PRPF4: variants seen among roughly 807,000 people sequenced by gnomAD.
PRPF4 encodes the protein pre-mRNA splicing tri-snRNP complex factor PRPF4.
PRPF4 carries 14 observed loss-of-function variants against 72.2 expected under a neutral mutation model. That is an observed-to-expected ratio of 0.19 (90% CI 0.13 to 0.30). The LOEUF (loss-of-function observed/expected upper bound fraction) is 0.30. PRPF4 is among the 10% of genes least tolerant of loss of function. The pLI is 1.00. For missense variants in PRPF4, 478 were observed against 653.9 expected, an observed-to-expected ratio of 0.73 and a Z score of 2.93; for synonymous variants, 225 against 232.2, an observed-to-expected ratio of 0.97 and a Z score of 0.28.
Position 113,275,731 on chromosome 9 carries a change from T to C in PRPF4, c.-13T>C. On this transcript the variant is annotated 5_prime_UTR_variant, in exon 1 of 14. Transcript: ENST00000374198. Reference sequence around the variant, plus strand: ...TCGGGTTTCGCTGGGGCCTCGCGGCTCCAGAGCCCAGCATGGCTTCCTCGC... The same window carrying C: ...TCGGGTTTCGCTGGGGCCTCGCGGCCCCAGAGCCCAGCATGGCTTCCTCGC... 1 of 1,610,018 alleles carries C rather than the reference T, an allele frequency of 6.2e-7. No homozygotes were observed. Among genetic ancestry groups the C allele is most frequent in the Non-Finnish European group, 8.5e-7 (1 of 1,178,102 alleles).
At position 113,276,877 on chromosome 9, in the gene PRPF4, C is replaced by T. The variant is rs1396762410; in HGVS notation, c.205+152C>T. The stretch of plus-strand genomic sequence containing the variant: ...GTCGCCAGGCTGGAGTGCAGTGGTG[C>T]GATCTTGGCTCACTGCAACCTCCGC... On this transcript the variant is annotated intron_variant, in intron 2 of 13. Coordinates refer to ENST00000374198, the MANE Select transcript of PRPF4 (RefSeq NM_001244926.2). 3.5e-6 allele frequency: 3 copies of T among 861,686 alleles called. No homozygotes were observed. In the South Asian group the frequency reaches 5.2e-5, roughly 15 times the overall value. The allele number at this position is 861,686 out of a possible 1,614,324, so 53.4% of individuals were successfully genotyped here. A position where few individuals can be genotyped will look rare whatever the true frequency, so the allele number is the denominator to read the frequency against.
intron 13 of PRPF4, 109 bp from the exon 14 acceptor site, chr9:113,291,358 T>C: frequency 8.7e-7 from 1 of 1,151,110 alleles, no homozygotes; most frequent in South Asian, 1.6e-5. Context: ...CTTAAGTCTG[T>C]AGAAACAAGT....
Position 113,286,725 on chromosome 9 carries a change from G to C in PRPF4, c.829G>C (p.Ala277Pro). ...TLRGHNTNVG[A>P]IVFHPKSTVS... ...TTTAGGGCATAACACAAATGTAGGAGCAATTGTATTCCATCCCAAATCCAC... is the reference window on the plus strand; with the variant it reads ...TTTAGGGCATAACACAAATGTAGGACCAATTGTATTCCATCCCAAATCCAC... Residue 277 changes from alanine to proline, a missense_variant, in exon 9 of 14, where the codon GCA becomes CCA. Ala to Pro is a conservative substitution (Grantham distance 27, BLOSUM62 -1). Transcript: ENST00000374198. The C allele has an allele frequency of 6.2e-7, 1 of 1,614,146 alleles. No individual in the cohort carries two copies. The highest frequency in any genetic ancestry group is 8.5e-7 in the Non-Finnish European group (1 of 1,180,022).
chr9:113,287,622 T>C (rs955093029), intron 9 of PRPF4, among the ~76,000 whole-genome samples: 1 of 152,382 alleles, frequency 6.6e-6, no homozygotes, highest in East Asian at 1.9e-4. Flanking sequence ...TCTTCACTCC[T>C]CACCAGACAG....
chr9:113,288,351 G>A (rs1832510746), intron 10 of PRPF4, 87 bp downstream of exon 10: 3 of 1,241,120 alleles, frequency 2.4e-6, no homozygotes, highest in Middle Eastern at 2.1e-4. Context: ...AATTTTTAGA[G>A]CAGAGATCTT....
chr9:113,275,679 C>G lies in PRPF4; in HGVS notation c.-65C>G, dbSNP rs1185058321. On this transcript the variant is annotated 5_prime_UTR_variant, in exon 1 of 14. Coordinates refer to ENST00000374198, the MANE Select transcript of PRPF4 (RefSeq NM_001244926.2). ...TGACGCACTTCCCCTCTGCTGGGCG[C>G]GCGGTGGACGGTCTGAAAGGGAGTG... The G allele has an allele frequency of 4.5e-6, 7 of 1,562,992 alleles. No homozygotes were observed. Among genetic ancestry groups the G allele is most frequent in the Non-Finnish European group, 6.1e-6 (7 of 1,151,910 alleles).
At chr9:113,284,965 C>T (rs561895013) in intron 7 of PRPF4, among the ~76,000 whole-genome samples, 1 of 152,108 alleles carries the variant, frequency 6.6e-6, no homozygotes, top group Admixed American at 6.6e-5. Flanking sequence ...ACATGGCTAT[C>T]TAATGAGAAA....
intron 10 of PRPF4, among the ~76,000 whole-genome samples, 159 bp downstream of exon 10, chr9:113,288,423 G>A (rs1293767601): frequency 6.7e-6 from 1 of 149,594 alleles, no homozygotes; most frequent in Non-Finnish European, 1.5e-5. Context: ...AATATAGTGA[G>A]AGCTAAGTAT....
chr9:113,285,138 A>G (rs1002702214), intron 7 of PRPF4, among the ~76,000 whole-genome samples: 10 of 151,660 alleles, frequency 6.6e-5, no homozygotes, highest in Non-Finnish European at 1.0e-4. Flanking sequence ...CAGGTCTGTT[A>G]GAAAGATCAT....
In PRPF4 at chr9:113,291,690, A is replaced by G; in HGVS notation, c.*30A>G. On this transcript the variant is annotated 3_prime_UTR_variant, in exon 14 of 14. Transcript: ENST00000374198. ...CAATGGGAAAAGGACTTGAACCTCAAGCTCTCTCTAAGGAGCTGTTTTCCT... is the reference window on the plus strand; with the variant it reads ...CAATGGGAAAAGGACTTGAACCTCAGGCTCTCTCTAAGGAGCTGTTTTCCT... 5.0e-6 allele frequency: 8 copies of G among 1,606,664 alleles called. No homozygotes were observed. Among genetic ancestry groups the G allele is most frequent in the Middle Eastern group, 1.7e-4 (1 of 6,030 alleles).
Position 113,286,212 on chromosome 9 carries a change from C to G in PRPF4, c.750-20C>G, listed in dbSNP as rs1832444774. The G allele has an allele frequency of 1.2e-6, 2 of 1,613,872 alleles. No homozygotes were observed. The highest frequency in any genetic ancestry group is 1.3e-5 in the African/African-American group (1 of 74,922). ...TCCCAGACCAACCCTGGCTGAGATG[C>G]TTTCCTTTGTATTTGATAGGAGTGG... On this transcript the variant is annotated intron_variant, in intron 7 of 13. Transcript: ENST00000374198.
chr9:113,277,162 C>G (rs1271912780), intron 2 of PRPF4, among the ~76,000 whole-genome samples: 1 of 152,008 alleles, frequency 6.6e-6, no homozygotes, highest in African/African-American at 2.4e-5. Flanking sequence ...TTGCCTACCC[C>G]CTTATTATCA....
chr9:113,278,864 A>G (rs969936488), intron 2 of PRPF4, 81 bp from the exon 3 acceptor site: 7 of 1,404,204 alleles, frequency 5.0e-6, no homozygotes, highest in Non-Finnish European at 6.0e-6. Flanking sequence ...CCCTCAGGGC[A>G]TACACAGACT....
At position 113,290,939 on chromosome 9, in the gene PRPF4, T is replaced by C; in HGVS notation, c.1295T>C (p.Val432Ala). The change falls in exon 13 of 14, where the codon GTG (valine) becomes GCG (alanine). Residue 432 changes from valine (V) to alanine (A), a missense_variant. Physicochemically the swap from Val to Ala is moderately conservative, Grantham distance 64 (BLOSUM62 0). Transcript: ENST00000374198. The stretch of plus-strand genomic sequence containing the variant: ...GGCAGTGGTGACAACACCTGCAAAG[T>C]GTGGGACCTCCGACAGCGGCGTTGC... Reference protein sequence around the residue: ...ATGSGDNTCKVWDLRQRRCVY... With the variant: ...ATGSGDNTCKAWDLRQRRCVY... 1.2e-6 allele frequency: 2 copies of C among 1,614,246 alleles called. No individual in the cohort carries two copies. The highest frequency in any genetic ancestry group is 1.7e-6 in the Non-Finnish European group (2 of 1,180,044).
chr9:113,275,825 G>C (rs1832073472), intron 1 of PRPF4, 55 bp downstream of exon 1: 1 of 1,603,074 alleles, frequency 6.2e-7, no homozygotes, highest in Non-Finnish European at 8.5e-7. Context: ...GGGGGAAGGG[G>C]ATCTCTGCGG....
chr9:113,277,408 C>T (rs1832143289), intron 2 of PRPF4, among the ~76,000 whole-genome samples: 1 of 150,116 alleles, frequency 6.7e-6, no homozygotes, highest in African/African-American at 2.5e-5. Context: ...GTGTGTGTGA[C>T]AGGGTCTCAC....
intron 8 of PRPF4, 65 bp downstream of exon 8, chr9:113,286,355 T>C: frequency 7.1e-7 from 1 of 1,411,752 alleles, no homozygotes; most frequent in Non-Finnish European, 1.0e-6. Flanking sequence ...AGCCTTAAAC[T>C]CTGCTTGACA....
At position 113,290,689 on chromosome 9, in the gene PRPF4, T is replaced by A; in HGVS notation, c.1146-11T>A. On this transcript the variant is annotated splice_polypyrimidine_tract_variant and intron_variant, in intron 11 of 13. Coordinates refer to ENST00000374198, the MANE Select transcript of PRPF4 (RefSeq NM_001244926.2). ...GGATTCAAAGTGTTCATTTCTAAAT[T>A]ATTTTCTCAGGGGACTGGATGCATT... The A allele has an allele frequency of 6.2e-7, 1 of 1,614,184 alleles. No individual in the cohort carries two copies. The highest frequency in any genetic ancestry group is 8.5e-7 in the Non-Finnish European group (1 of 1,180,030).
rs1173986829 is a variant in PRPF4, at chr9:113,275,696, A to G, written c.-48A>G. On this transcript the variant is annotated 5_prime_UTR_variant, in exon 1 of 14. Transcript: ENST00000374198. ...GCTGGGCGCGCGGTGGACGGTCTGA[A>G]AGGGAGTGTTCGGGTTTCGCTGGGG... 1.2e-6 allele frequency: 2 copies of G among 1,600,200 alleles called. No individual in the cohort carries two copies. Among genetic ancestry groups the G allele is most frequent in the South Asian group, 2.2e-5 (2 of 89,840 alleles).
Sources: gnomAD v4.1 joint callset for allele counts (sites outside exome capture counted in the v4.1 genomes callset) on GRCh38, gnomAD v4.1.1 for gene constraint, MANE v1.5 for transcripts, NCBI Gene and HGNC (gene_info 2026-07-23, HGNC 2026-07-21) for gene names.